KHDRBS1: variants seen among roughly 807,000 people sequenced by gnomAD.
The protein encoded by KHDRBS1 is KH domain-containing, RNA-binding, signal transduction-associated protein 1.
In KHDRBS1, 7 loss-of-function variants were observed where a neutral mutation model predicts 48.4. The ratio of observed to expected loss-of-function variants is 0.14; its 90% confidence interval spans 0.08 to 0.27. The LOEUF (loss-of-function observed/expected upper bound fraction) is 0.27, where lower values mean the gene tolerates loss of function less well. KHDRBS1 is among the 10% of genes least tolerant of loss of function. KHDRBS1 has a pLI of 1.00. For synonymous variants in KHDRBS1, 241 were observed against 235.8 expected, an observed-to-expected ratio of 1.02 and a Z score of -0.20; for missense variants, 458 against 601.2, an observed-to-expected ratio of 0.76 and a Z score of 2.49.
chr1:32,020,569 G>C (rs1016213159), intron 1 of KHDRBS1, among the ~76,000 whole-genome samples: 4 of 149,146 alleles, frequency 2.7e-5, no homozygotes, highest in African/African-American at 1.0e-4. Context: ...CAAACCAAAT[G>C]CCTCCAATAA....
chr1:32,043,510 T>A lies in KHDRBS1; in HGVS notation c.*886T>A, dbSNP rs563341243. On this transcript the variant is annotated 3_prime_UTR_variant, in exon 9 of 9. Coordinates refer to ENST00000327300, the MANE Select transcript of KHDRBS1 (RefSeq NM_006559.3). ...AGTACTAATAATTAAATTTTCAGTA[T>A]TTAAAAAGACAAAGTATTTTGTCCA... 3.9e-5 allele frequency: 6 copies of A among 152,750 alleles called. No individual in the cohort carries two copies. The highest frequency in any genetic ancestry group is 1.4e-4 in the African/African-American group (6 of 41,568). 9.5% of individuals were successfully genotyped at this position (152,750 alleles called of 1,614,324 possible).
intron 1 of KHDRBS1, among the ~76,000 whole-genome samples, chr1:32,017,684 C>T (rs1413726445): frequency 6.7e-6 from 1 of 148,798 alleles, no homozygotes; most frequent in Non-Finnish European, 1.5e-5. Context: ...CTTGGCTCAC[C>T]GCAACCTCCA....
chr1:32,045,760 T>TGGGAACTGTAGTGGCTGCA (rs1197213467), downstream of KHDRBS1, among the ~76,000 whole-genome samples: 1 of 152,202 alleles, frequency 6.6e-6, no homozygotes, highest in Non-Finnish European at 1.5e-5. Context: ...AAATCTGGTG[T>TGGGAACTGTAGTGGCTGCA]GGGAACTGTA....
intron 1 of KHDRBS1, among the ~76,000 whole-genome samples, chr1:32,027,702 G>A (rs1012604374): frequency 1.3e-5 from 2 of 152,158 alleles, no homozygotes; most frequent in African/African-American, 4.8e-5. Context: ...TCTGAAATTA[G>A]GCTTTTTAAC....
downstream of KHDRBS1, among the ~76,000 whole-genome samples, chr1:32,045,946 C>T (rs1639351821): frequency 6.6e-6 from 1 of 152,144 alleles, no homozygotes; most frequent in Admixed American, 6.6e-5. Context: ...GTAAGAAAAA[C>T]CAGTTCCTCA....
chr1:32,059,159 T>A (rs1274578494), intron 10 of KHDRBS1, among the ~76,000 whole-genome samples: 72 of 113,802 alleles, frequency 6.3e-4, no homozygotes, highest in African/African-American at 2.4e-3. Flanking sequence ...AGACTCTGTC[T>A]CAGGAGAAAA....
intron 10 of KHDRBS1, among the ~76,000 whole-genome samples, chr1:32,056,955 C>T (rs1639485072): frequency 6.6e-6 from 1 of 150,992 alleles, no homozygotes; most frequent in Admixed American, 6.6e-5. Flanking sequence ...CAGATAATCT[C>T]ATAAATAACA....
At position 32,027,364 on chromosome 1, in the gene KHDRBS1, A is replaced by G. The variant is rs563625284; in HGVS notation, c.383-2934A>G. On this transcript the variant is annotated intron_variant, in intron 1 of 8. Transcript: ENST00000327300. The stretch of plus-strand genomic sequence containing the variant: ...AACTTAGAAAGTGGTGTAGTCAGGT[A>G]CAGTAGGCTCAAAAAGATTGATCAG... 1.1e-4 allele frequency among the ~76,000 whole-genome samples: 16 copies of G among 152,334 alleles called. No homozygotes were observed. The South Asian group carries it at 3.3e-3, about 32-fold the overall frequency.
rs756156556 is a variant in KHDRBS1, at chr1:32,033,250, C to T, written c.687C>T (p.Val229=). 1.9e-6 allele frequency: 3 copies of T among 1,614,098 alleles called. No homozygotes were observed. The highest frequency in any genetic ancestry group is 2.2e-5 in the South Asian group (2 of 91,080). Reference sequence around the variant, plus strand: ...CCCACTTGAATATGGATCTGCATGTCTTCATTGAAGTCTTTGGACCCCCAT... The same window carrying T: ...CCCACTTGAATATGGATCTGCATGTTTTCATTGAAGTCTTTGGACCCCCAT... ...KYAHLNMDLH[V]FIEVFGPPCE... Residue 229 remains valine, a synonymous_variant, in exon 4 of 9, where the codon GTC becomes GTT. Coordinates refer to ENST00000327300, the MANE Select transcript of KHDRBS1 (RefSeq NM_006559.3).
chr1:32,019,907 G>T (rs1197883403), intron 1 of KHDRBS1, among the ~76,000 whole-genome samples: 1 of 151,952 alleles, frequency 6.6e-6, no homozygotes, highest in East Asian at 1.9e-4. Context: ...GAGTAGGTGG[G>T]ATTACAGGCG....
At chr1:32,017,600 C>CTTTTTTTTTTTTTTT (rs34505125) in intron 1 of KHDRBS1, among the ~76,000 whole-genome samples, 1 of 73,820 alleles carries the variant, frequency 1.4e-5, no homozygotes, top group African/African-American at 5.3e-5. Context: ...TCTTTTTCTA[C>CTTTTTTTTTTTTTTT]TTTTTTTTTT....
chr1:32,035,095 C>T (rs1639150521), intron 4 of KHDRBS1, among the ~76,000 whole-genome samples: 1 of 151,932 alleles, frequency 6.6e-6, no homozygotes, highest in African/African-American at 2.4e-5. Context: ...TTGGGGTGTT[C>T]TATTGATCAC....
chr1:32,034,847 G>A (rs924581115), intron 4 of KHDRBS1, among the ~76,000 whole-genome samples: 1 of 151,940 alleles, frequency 6.6e-6, no homozygotes, highest in Non-Finnish European at 1.5e-5. Flanking sequence ...TGGGCGTGGT[G>A]GCAGGCGCCT....
At chr1:32,033,715 A>G (rs577191430) in intron 4 of KHDRBS1, among the ~76,000 whole-genome samples, 15 of 152,328 alleles carry the variant, frequency 9.8e-5, no homozygotes. Context: ...GGGTCTCTGC[A>G]CTCAAGAAGT....
At chr1:32,051,319 G>A (rs993529035) in intron 10 of KHDRBS1, among the ~76,000 whole-genome samples, 1 of 152,222 alleles carries the variant, frequency 6.6e-6, no homozygotes, top group African/African-American at 2.4e-5. Context: ...ACAGATGTAT[G>A]TAGGTGTACT....
rs566175015 is a variant in KHDRBS1 at position 32,032,410 on chromosome 1, A to G, written c.624+770A>G. Among the ~76,000 whole-genome samples the G allele has an allele frequency of 3.8e-4, 58 of 152,292 alleles. 1 individual carries two copies. The highest frequency in any genetic ancestry group is 2.7e-3 in the Admixed American group (41 of 15,290). On this transcript the variant is annotated intron_variant, in intron 3 of 8. Coordinates refer to ENST00000327300, the MANE Select transcript of KHDRBS1 (RefSeq NM_006559.3). Reference sequence around the variant, plus strand: ...GTGTGTTCTAACTAATGAGATTTACATGAGCTTTTCTTCCCTCTGTCCTGA... The same window carrying G: ...GTGTGTTCTAACTAATGAGATTTACGTGAGCTTTTCTTCCCTCTGTCCTGA...
intron 1 of KHDRBS1, among the ~76,000 whole-genome samples, chr1:32,024,306 A>C (rs1557891276): frequency 6.6e-6 from 1 of 151,656 alleles, no homozygotes; most frequent in Non-Finnish European, 1.5e-5. Flanking sequence ...GTTTTCTAAA[A>C]TTTTTTATTA....
In KHDRBS1 at chr1:32,021,266, G is replaced by C. The variant is rs1482280112; in HGVS notation, c.382+6889G>C. Among the ~76,000 whole-genome samples the C allele has an allele frequency of 5.9e-5, 9 of 152,102 alleles. No individual in the cohort carries two copies. In the South Asian group the frequency reaches 1.9e-3, roughly 32 times the overall value. ...ATGAAAGGGCTTGTAACAGGCCTTT[G>C]GGGGATTTTTTTTTAACCAATACCC... On this transcript the variant is annotated intron_variant, in intron 1 of 8. Transcript: ENST00000327300.
At chr1:32,036,410 C>T (rs1639184487) in intron 4 of KHDRBS1, among the ~76,000 whole-genome samples, 2 of 152,080 alleles carry the variant, frequency 1.3e-5, no homozygotes, top group South Asian at 2.1e-4. Flanking sequence ...ACCTCGTGAT[C>T]TGCCCGCCTC....
Sources: gnomAD v4.1 joint callset for allele counts (sites outside exome capture counted in the v4.1 genomes callset) on GRCh38, gnomAD v4.1.1 for gene constraint, MANE v1.5 for transcripts, NCBI Gene and HGNC (gene_info 2026-07-23, HGNC 2026-07-21) for gene names.